Variants in CADM2 observed in about 807,000 individuals in gnomAD.
The protein encoded by CADM2 is cell adhesion molecule 2, also known as immunoglobulin superfamily member 4D.
Under a neutral mutation model 49.8 loss-of-function variants are expected in CADM2, and 12 were observed. The ratio of observed to expected loss-of-function variants is 0.24; its 90% confidence interval spans 0.15 to 0.39. The LOEUF (loss-of-function observed/expected upper bound fraction) is 0.39. Among genes scored for constraint, CADM2 ranks in the 10% least tolerant of loss-of-function variants. The pLI is 1.00. For synonymous variants in CADM2, 214 were observed against 175.4 expected, an observed-to-expected ratio of 1.22 and a Z score of -1.74; for missense variants, 378 against 492.3, an observed-to-expected ratio of 0.77 and a Z score of 2.20.
chr3:85,090,750 G>T (rs1287199985), intron 1 of CADM2, among the ~76,000 whole-genome samples: 1 of 152,144 alleles, frequency 6.6e-6, no homozygotes, highest in African/African-American at 2.4e-5. Flanking sequence ...AGCGGCATTA[G>T]ATTCTCATAG....
In CADM2 at chr3:86,013,746, G is replaced by T. The variant is rs1731843393; in HGVS notation, c.971-51859G>T. On this transcript the variant is annotated intron_variant, in intron 8 of 9. Transcript: ENST00000383699. The stretch of plus-strand genomic sequence containing the variant: ...AGGTTTTCTGCCTTATGAAGCTGAT[G>T]CAGAAATTTTGGCTGTGAAATTTCA... 3.0e-5 allele frequency: 48 copies of T among 1,592,228 alleles called. No individual in the cohort carries two copies. The South Asian group carries it at 5.3e-4, about 18-fold the overall frequency.
intron 8 of CADM2, among the ~76,000 whole-genome samples, chr3:85,975,651 C>A (rs1255925402): frequency 6.6e-6 from 1 of 151,528 alleles, no homozygotes; most frequent in Non-Finnish European, 1.5e-5. Flanking sequence ...CAATTAATTT[C>A]TTTTGTAAAT....
chr3:85,233,680 AAGC>A lies in CADM2; in HGVS notation c.61+274018_61+274020del, dbSNP rs531462527. 1.8e-3 allele frequency among the ~76,000 whole-genome samples: 273 copies of A among 152,310 alleles called. 1 individual carries two copies. The highest frequency in any genetic ancestry group is 6.3e-3 in the African/African-American group (262 of 41,590). ...TTTAATCAATTTTATTGAAATTGAT[AAGC>A]AGCAGAACGATTTATTTTTCTTTTG... On this transcript the variant is annotated intron_variant, in intron 1 of 9. Transcript: ENST00000383699.
At chr3:86,058,418 A>AT (rs1738245585) in intron 8 of CADM2, among the ~76,000 whole-genome samples, 1 of 152,082 alleles carries the variant, frequency 6.6e-6, no homozygotes, top group Non-Finnish European at 1.5e-5. Flanking sequence ...GTATTGATAC[A>AT]TTTAGTCACT....
chr3:84,980,901 A>G (rs1373386635), intron 1 of CADM2, among the ~76,000 whole-genome samples: 1 of 152,198 alleles, frequency 6.6e-6, no homozygotes, highest in Admixed American at 6.5e-5. Flanking sequence ...TCCAGAATTT[A>G]TATTAGATCC....
chr3:85,846,326 A>G (rs936567795), intron 3 of CADM2, among the ~76,000 whole-genome samples: 1 of 152,172 alleles, frequency 6.6e-6, no homozygotes, highest in African/African-American at 2.4e-5. Context: ...CAGTCAGTAT[A>G]TGATACATAC....
At chr3:85,695,345 C>G (rs1465309052) in intron 1 of CADM2, among the ~76,000 whole-genome samples, 5 of 152,020 alleles carry the variant, frequency 3.3e-5, no homozygotes, top group Admixed American at 1.3e-4. Context: ...CTTCTTCCCC[C>G]ATCTGAGTCT....
At chr3:85,191,854 A>T (rs1223617915) in intron 1 of CADM2, among the ~76,000 whole-genome samples, 3 of 151,988 alleles carry the variant, frequency 2.0e-5, no homozygotes, top group African/African-American at 7.3e-5. Context: ...ACTAATTCAA[A>T]GCCTGTAGTT....
At chr3:85,099,213 A>G (rs537568994) in intron 1 of CADM2, among the ~76,000 whole-genome samples, 3 of 152,146 alleles carry the variant, frequency 2.0e-5, no homozygotes, top group South Asian at 4.1e-4. Context: ...CCAAGGGAGG[A>G]CACCTGACAT....
chr3:85,697,151 A>C lies in CADM2; in HGVS notation c.62-29371A>C, dbSNP rs541815392. Among the ~76,000 whole-genome samples the C allele has an allele frequency of 4.4e-4, 66 of 151,366 alleles. 1 individual carries two copies. The East Asian group carries it at 0.012, about 28-fold the overall frequency. On this transcript the variant is annotated intron_variant, in intron 1 of 9. Transcript: ENST00000383699. Reference sequence around the variant, plus strand: ...TGGCAGCTTCAGTTAGCTACTCTGCACATAGAACAGGTAGATTATATCTAT... The same window carrying C: ...TGGCAGCTTCAGTTAGCTACTCTGCCCATAGAACAGGTAGATTATATCTAT...
chr3:86,008,774 G>T (rs967896971), intron 8 of CADM2, among the ~76,000 whole-genome samples: 2 of 151,770 alleles, frequency 1.3e-5, no homozygotes, highest in Admixed American at 6.6e-5. Flanking sequence ...CATTAATAAG[G>T]TTATCTTCTC....
intron 8 of CADM2, among the ~76,000 whole-genome samples, chr3:86,064,159 A>G (rs1407935221): frequency 6.6e-6 from 1 of 151,290 alleles, no homozygotes; most frequent in Non-Finnish European, 1.5e-5. Context: ...GCCCCCAGTA[A>G]CTCGTCATTT....
intron 1 of CADM2, among the ~76,000 whole-genome samples, chr3:85,419,976 G>A (rs1387228226): frequency 2.0e-5 from 3 of 152,106 alleles, no homozygotes; most frequent in Admixed American, 1.3e-4. Flanking sequence ...ATGTACTAGT[G>A]TTTTTCGCCT....
chr3:85,152,116 C>T (rs964485626), intron 1 of CADM2, among the ~76,000 whole-genome samples: 1 of 152,152 alleles, frequency 6.6e-6, no homozygotes, highest in Non-Finnish European at 1.5e-5. Context: ...TAAAGAGAGA[C>T]TACCCAGGGA....
Position 85,355,023 on chromosome 3 carries a change from C to T in CADM2, c.62-371499C>T, listed in dbSNP as rs373740319. Among the ~76,000 whole-genome samples, 15 of 152,130 alleles carry T rather than the reference C, an allele frequency of 9.9e-5. No homozygotes were observed. In the East Asian group the frequency reaches 1.4e-3, roughly 14 times the overall value. ...CATGCTAATGTCAAGCTTGGGTCGA[C>T]GCTCAAACTTCAGAGCGTGTCGATG... On this transcript the variant is annotated intron_variant, in intron 1 of 9. Transcript: ENST00000383699.
At chr3:85,046,298 T>C (rs2035650664) in intron 1 of CADM2, among the ~76,000 whole-genome samples, 1 of 151,772 alleles carries the variant, frequency 6.6e-6, no homozygotes, top group African/African-American at 2.4e-5. Context: ...AGCTGCCATA[T>C]TCCCAAATCC....
intron 1 of CADM2, among the ~76,000 whole-genome samples, chr3:85,495,362 CCTTAGAAAGACTTCTAAAA>C (rs2107654399): frequency 6.6e-6 from 1 of 152,174 alleles, no homozygotes; most frequent in Admixed American, 6.5e-5. Flanking sequence ...TTATACGTAA[CCTTAGAAAGACTTCTAAAA>C]CTTGGACAGG....
chr3:85,344,852 C>A (rs2030407424), intron 1 of CADM2, among the ~76,000 whole-genome samples: 1 of 151,936 alleles, frequency 6.6e-6, no homozygotes, highest in Admixed American at 6.6e-5. Context: ...ATAAGAAAGC[C>A]ATAATTATAC....
chr3:85,020,681 A>T (rs539135065), intron 1 of CADM2, among the ~76,000 whole-genome samples: 76 of 152,252 alleles, frequency 5.0e-4, no homozygotes, highest in Non-Finnish European at 1.0e-3. Flanking sequence ...TATAACACAT[A>T]TCACCTTAAA....
Sources: gnomAD v4.1 joint callset for allele counts (sites outside exome capture counted in the v4.1 genomes callset) on GRCh38, gnomAD v4.1.1 for gene constraint, MANE v1.5 for transcripts, NCBI Gene and HGNC (gene_info 2026-07-23, HGNC 2026-07-21) for gene names.